Variants in MBNL1 observed in about 807,000 individuals in gnomAD.
The protein encoded by MBNL1 is muscleblind like splicing regulator 1, also known as muscleblind-like protein 1.
In MBNL1, 8 loss-of-function variants were observed where a neutral mutation model predicts 42.2. The ratio of observed to expected loss-of-function variants is 0.19; its 90% CI spans 0.11 to 0.34. The LOEUF (loss-of-function observed/expected upper bound fraction) is 0.34. Among genes scored for constraint, MBNL1 ranks in the 10% least tolerant of loss-of-function variants. The pLI, the probability that MBNL1 is intolerant of heterozygous loss-of-function variation, is 1.00. For synonymous variants in MBNL1, 169 were observed against 173.9 expected (o/e 0.97, Z 0.22); for missense variants, 309 against 495.3 (o/e 0.62, Z 3.57).
At chr3:152,386,459 A>G (rs1477354336) in intron 2 of MBNL1, among the ~76,000 whole-genome samples, 1 of 152,112 alleles carries the variant, frequency 6.6e-6, no homozygotes, top group Non-Finnish European at 1.5e-5. Flanking sequence ...CCATTCTGTC[A>G]GCACTCTCAA....
chr3:152,398,086 C>T (rs1242263375), intron 2 of MBNL1, among the ~76,000 whole-genome samples: 1 of 152,114 alleles, frequency 6.6e-6, no homozygotes, highest in African/African-American at 2.4e-5. Flanking sequence ...ATTGTAAATT[C>T]AGAGCCACAT....
chr3:152,329,670 ATCT>A (rs1418546315), intron 2 of MBNL1, among the ~76,000 whole-genome samples: 1 of 120,816 alleles, frequency 8.3e-6, no homozygotes, highest in African/African-American at 3.2e-5. Flanking sequence ...TATATATTTT[ATCT>A]TATATATATA....
intron 2 of MBNL1, among the ~76,000 whole-genome samples, chr3:152,344,401 T>A (rs936319419): frequency 1.3e-5 from 2 of 152,140 alleles, no homozygotes; most frequent in Admixed American, 1.3e-4. Flanking sequence ...TTTTAGGTAG[T>A]CCTAACAGGT....
chr3:152,388,815 G>T (rs2097553517), intron 2 of MBNL1, among the ~76,000 whole-genome samples: 1 of 152,058 alleles, frequency 6.6e-6, no homozygotes, highest in Non-Finnish European at 1.5e-5. Context: ...TATTTACACA[G>T]GTATTCAGGT....
At position 152,268,967 on chromosome 3, in the gene MBNL1, A is replaced by G. The variant is rs1201738228; in HGVS notation, c.-915A>G. 5 of 456,044 alleles carry G rather than the reference A, an allele frequency of 1.1e-5. No homozygotes were observed. The highest frequency in any genetic ancestry group is 2.2e-5 in the Non-Finnish European group (5 of 226,944). The allele number at this position is 456,044 out of a possible 1,614,324, so 28.2% of individuals were successfully genotyped here. ...CAGCTGAATGAGTTGTGGCGCCCAC[A>G]ATGCTCCCATGACAAGGAGCTGACA... On this transcript the variant is annotated 5_prime_UTR_variant, in exon 1 of 10. Coordinates refer to ENST00000324210, the MANE Select transcript of MBNL1 (RefSeq NM_021038.5).
chr3:152,274,726 TTTATC>T (rs1260275124), intron 1 of MBNL1, among the ~76,000 whole-genome samples: 2 of 152,184 alleles, frequency 1.3e-5, no homozygotes, highest in African/African-American at 4.8e-5. Flanking sequence ...ATTTATTTCT[TTTATC>T]TAGGAGAAAT....
chr3:152,269,383 A>C, intron 1 of MBNL1: 1 of 363,410 alleles, frequency 2.8e-6, no homozygotes, highest in Non-Finnish European at 5.5e-6. Flanking sequence ...CCCAGGGAGA[A>C]ACAGGGGGGC....
chr3:152,271,898 A>G (rs982211358), intron 1 of MBNL1, among the ~76,000 whole-genome samples: 4 of 152,132 alleles, frequency 2.6e-5, no homozygotes, highest in Non-Finnish European at 5.9e-5. Context: ...GTAAAATACT[A>G]CCGGTTTTGA....
At chr3:152,360,170 T>C (rs1051137663) in intron 2 of MBNL1, among the ~76,000 whole-genome samples, 1 of 152,174 alleles carries the variant, frequency 6.6e-6, no homozygotes, top group African/African-American at 2.4e-5. Context: ...TAACGTGTCT[T>C]GAATAGGTCT....
At chr3:152,340,005 G>A (rs1204574526) in intron 2 of MBNL1, 1 of 152,272 alleles carries the variant, frequency 6.6e-6, no homozygotes, top group East Asian at 1.9e-4. Flanking sequence ...TTTACCTATA[G>A]ACACAGAAAG....
chr3:152,300,482 A>G (rs2060267993), intron 2 of MBNL1, 115 bp downstream of exon 2: 4 of 877,312 alleles, frequency 4.6e-6, no homozygotes, highest in Non-Finnish European at 6.8e-6. Flanking sequence ...TTAGTTATAC[A>G]GTGTGTTGAT....
intron 2 of MBNL1, among the ~76,000 whole-genome samples, chr3:152,404,532 GTTA>G (rs1211025392): frequency 6.6e-6 from 1 of 151,960 alleles, no homozygotes; most frequent in Admixed American, 6.6e-5. Flanking sequence ...AAGTAATGAT[GTTA>G]TTATTCTCAA....
chr3:152,384,355 T>C (rs925662365), intron 2 of MBNL1, among the ~76,000 whole-genome samples: 2 of 152,220 alleles, frequency 1.3e-5, no homozygotes, highest in East Asian at 1.9e-4. Context: ...TTGCTGCTTC[T>C]GGGTTTTTGC....
intron 2 of MBNL1, among the ~76,000 whole-genome samples, chr3:152,363,606 AT>A (rs1245453622): frequency 6.6e-6 from 1 of 152,218 alleles, no homozygotes; most frequent in African/African-American, 2.4e-5. Context: ...CACTTACCAA[AT>A]GCTGAGCGTA....
At chr3:152,313,432 A>G (rs951650882) in intron 2 of MBNL1, among the ~76,000 whole-genome samples, 7 of 152,188 alleles carry the variant, frequency 4.6e-5, no homozygotes, top group Non-Finnish European at 1.0e-4. Context: ...ACATTGTGCC[A>G]ATCACTTTAC....
intron 2 of MBNL1, among the ~76,000 whole-genome samples, chr3:152,317,762 C>T (rs534555907): frequency 3.0e-4 from 45 of 152,212 alleles, no homozygotes; most frequent in Middle Eastern, 3.4e-3. Context: ...GATTCTTCAT[C>T]GATCAAGTTC....
rs558824664 is a variant in MBNL1, at chr3:152,407,252, A to G, written c.175-7689A>G. On this transcript the variant is annotated intron_variant, in intron 2 of 9. Transcript: ENST00000324210. ...TTTTTTTTTAGTTTGTTTCACTGGT[A>G]CGAAAAAAATCTCCCAGCTCTTGTG... 5.1e-3 allele frequency among the ~76,000 whole-genome samples: 572 copies of G among 112,086 alleles called. 4 individuals are homozygous for G. Among genetic ancestry groups the G allele is most frequent in the African/African-American group, 0.019 (559 of 29,320 alleles). 73.5% of individuals were successfully genotyped at this position (112,086 alleles called of 152,430 possible). A position where few individuals can be genotyped will look rare whatever the true frequency, so the allele number is the denominator to read the frequency against.
At chr3:152,385,457 T>C (rs2153435579) in intron 2 of MBNL1, among the ~76,000 whole-genome samples, 1 of 152,192 alleles carries the variant, frequency 6.6e-6, no homozygotes, top group Middle Eastern at 3.4e-3. Flanking sequence ...TGTTAAAATC[T>C]TCATGGATTT....
chr3:152,368,355 G>A lies in MBNL1; in HGVS notation c.175-46586G>A, dbSNP rs554589660. ...GTGTTATTTTTGAGGCCTCTGTTCT[G>A]TTCCATTGGTCTATATATCTGTTTT... On this transcript the variant is annotated intron_variant, in intron 2 of 9. Transcript: ENST00000324210. Among the ~76,000 whole-genome samples the A allele has an allele frequency of 1.1e-4, 16 of 152,204 alleles. No individual in the cohort carries two copies. In the East Asian group the frequency reaches 2.9e-3, roughly 28 times the overall value.
Sources: gnomAD v4.1 joint callset for allele counts (sites outside exome capture counted in the v4.1 genomes callset) on GRCh38, gnomAD v4.1.1 for gene constraint, MANE v1.5 for transcripts, NCBI Gene and HGNC (gene_info 2026-07-23, HGNC 2026-07-21) for gene names.